The following ATXN7L1 variants were observed in gnomAD, a reference collection of about 807,000 sequenced individuals.
The protein encoded by ATXN7L1 is ataxin 7 like 1.
Under a neutral mutation model 70.8 loss-of-function variants are expected in ATXN7L1, and 15 were observed. The observed-to-expected ratio is 0.21, with a 90% CI of 0.14 to 0.33. ATXN7L1 has a LOEUF of 0.33. Among genes scored for constraint, ATXN7L1 ranks in the 10% least tolerant of loss-of-function variants. The pLI is 1.00. For synonymous variants in ATXN7L1, 440 were observed against 445.1 expected (o/e 0.99, Z 0.14); for missense variants, 975 against 1,097.1 (o/e 0.89, Z 1.57).
rs112351920 is a variant in ATXN7L1 at position 105,639,344 on chromosome 7, G to C, written c.945+143C>G. 1.4e-3 allele frequency: 734 copies of C among 529,416 alleles called. 5 individuals are homozygous for C. The highest frequency in any genetic ancestry group is 2.2e-3 in the Middle Eastern group (6 of 2,776). 32.8% of individuals were successfully genotyped at this position (529,416 alleles called of 1,614,324 possible). A position where few individuals can be genotyped will look rare whatever the true frequency, so the allele number is the denominator to read the frequency against. On this transcript the variant is annotated intron_variant, in intron 6 of 11. Coordinates refer to ENST00000419735, the MANE Select transcript of ATXN7L1 (RefSeq NM_020725.2). ...AGGCAGGCACTCTGCTACCATGGAC[G>C]AGAAGAAAGCATTTCCCTTACAAAG...
chr7:105,734,975 T>C (rs1276991457), intron 3 of ATXN7L1, among the ~76,000 whole-genome samples: 1 of 152,192 alleles, frequency 6.6e-6, no homozygotes, highest in Non-Finnish European at 1.5e-5. Flanking sequence ...CCCTTCCTGA[T>C]AGAGTGCCTG....
intron 3 of ATXN7L1, among the ~76,000 whole-genome samples, chr7:105,778,018 AG>A (rs1370071848): frequency 2.6e-4 from 40 of 152,326 alleles, no homozygotes; most frequent in African/African-American, 9.6e-4. Flanking sequence ...TCAAGAAGCC[AG>A]GCCCTTATTT....
At chr7:105,704,087 A>G (rs190320184) in intron 3 of ATXN7L1, among the ~76,000 whole-genome samples, 3 of 152,316 alleles carry the variant, frequency 2.0e-5, no homozygotes, top group Admixed American at 2.0e-4. Flanking sequence ...TACCAGAGAG[A>G]ACCCAAGAGG....
chr7:105,797,372 CAA>C (rs753466461), intron 2 of ATXN7L1, among the ~76,000 whole-genome samples: 45 of 152,212 alleles, frequency 3.0e-4, no homozygotes, highest in Non-Finnish European at 5.7e-4. Context: ...CATGACCACA[CAA>C]GACAGTCTCA....
At chr7:105,678,748 C>T (rs762825073) in intron 3 of ATXN7L1, among the ~76,000 whole-genome samples, 6 of 152,126 alleles carry the variant, frequency 3.9e-5, no homozygotes, top group African/African-American at 1.2e-4. Flanking sequence ...AAATTTTCCA[C>T]TCCACTCCTT....
At chr7:105,790,164 G>A (rs1365572909) in intron 2 of ATXN7L1, among the ~76,000 whole-genome samples, 4 of 152,192 alleles carry the variant, frequency 2.6e-5, no homozygotes. Context: ...GGAGGAATTC[G>A]AGGGTGACTG....
At position 105,607,849 on chromosome 7, in the gene ATXN7L1, T is replaced by A. The variant is rs1792825939; in HGVS notation, c.*3A>T. 1 of 1,551,690 alleles carries A rather than the reference T, an allele frequency of 6.4e-7. No individual in the cohort carries two copies. The highest frequency in any genetic ancestry group is 1.4e-5 in the African/African-American group (1 of 73,052). On this transcript the variant is annotated 3_prime_UTR_variant, in exon 12 of 12. Coordinates refer to ENST00000419735, the MANE Select transcript of ATXN7L1 (RefSeq NM_020725.2). ...TTGATGTGGAAGTGGCTTCATAGTC[T>A]TGTTATGGAAGAGTCCTTATCCTGC...
intron 2 of ATXN7L1, among the ~76,000 whole-genome samples, chr7:105,847,017 G>T (rs1234291204): frequency 1.3e-5 from 2 of 152,192 alleles, no homozygotes; most frequent in African/African-American, 4.8e-5. Context: ...TAACAGATAT[G>T]TTCTGGAATG....
chr7:105,768,519 G>T lies in ATXN7L1; in HGVS notation c.355+20085C>A, dbSNP rs148428207. Among the ~76,000 whole-genome samples the T allele has an allele frequency of 4.6e-4, 70 of 152,322 alleles. 1 individual carries two copies. The East Asian group carries it at 0.013, about 29-fold the overall frequency. On this transcript the variant is annotated intron_variant, in intron 3 of 11. Transcript: ENST00000419735. ...TAACAAGCGACTCTAAGCTTTGGTGGCAAGGTTATCAATGCTTAGCTTTCA... is the reference window on the plus strand; with the variant it reads ...TAACAAGCGACTCTAAGCTTTGGTGTCAAGGTTATCAATGCTTAGCTTTCA...
intron 3 of ATXN7L1, among the ~76,000 whole-genome samples, chr7:105,676,898 A>T (rs1198744131): frequency 1.3e-5 from 2 of 152,188 alleles, no homozygotes; most frequent in Non-Finnish European, 2.9e-5. Flanking sequence ...TACCCCTTGA[A>T]TCTAAAAGCT....
At chr7:105,808,502 A>C (rs942770415) in intron 2 of ATXN7L1, among the ~76,000 whole-genome samples, 1 of 151,782 alleles carries the variant, frequency 6.6e-6, no homozygotes, top group Admixed American at 6.6e-5. Context: ...GTCCAAATCC[A>C]CTCTCTGTGG....
intron 3 of ATXN7L1, among the ~76,000 whole-genome samples, chr7:105,709,409 C>G (rs1303830727): frequency 6.6e-6 from 1 of 152,144 alleles, no homozygotes. Context: ...GGGGAGACTG[C>G]TCTTCTCAGG....
At chr7:105,817,931 T>C (rs901714033) in intron 2 of ATXN7L1, among the ~76,000 whole-genome samples, 1 of 152,180 alleles carries the variant, frequency 6.6e-6, no homozygotes, top group Non-Finnish European at 1.5e-5. Context: ...TTTCAATAAA[T>C]AAATGTTGAA....
intron 3 of ATXN7L1, among the ~76,000 whole-genome samples, chr7:105,709,116 T>C (rs1404533367): frequency 2.6e-5 from 4 of 152,168 alleles, no homozygotes; most frequent in African/African-American, 9.7e-5. Flanking sequence ...GTGGATCACC[T>C]GAGGTCAGGA....
chr7:105,645,948 A>G (rs1018753666), intron 4 of ATXN7L1, among the ~76,000 whole-genome samples: 15 of 151,930 alleles, frequency 9.9e-5, no homozygotes, highest in Admixed American at 9.2e-4. Context: ...CAGAGGTTGC[A>G]GTGCACTGAG....
chr7:105,851,885 T>G (rs2116632604), intron 2 of ATXN7L1, among the ~76,000 whole-genome samples: 1 of 152,320 alleles, frequency 6.6e-6, no homozygotes, highest in East Asian at 1.9e-4. Flanking sequence ...ACGATTCTGT[T>G]TCCCTCTTGC....
chr7:105,868,364 A>T (rs2116672275), intron 2 of ATXN7L1, among the ~76,000 whole-genome samples: 1 of 152,330 alleles, frequency 6.6e-6, no homozygotes, highest in Middle Eastern at 3.4e-3. Flanking sequence ...TGTCTAGCCC[A>T]GTTCTGGCAC....
chr7:105,809,715 C>A (rs992833146), intron 2 of ATXN7L1, among the ~76,000 whole-genome samples: 1 of 151,748 alleles, frequency 6.6e-6, no homozygotes, highest in Admixed American at 6.6e-5. Context: ...GAAACTGAGG[C>A]AAAGGGAGGT....
chr7:105,760,153 CT>C (rs1563071391), intron 3 of ATXN7L1: 1 of 968,076 alleles, frequency 1.0e-6, no homozygotes. Flanking sequence ...TACTGGCCCC[CT>C]AACTGTTAAT....
Sources: gnomAD v4.1 joint callset for allele counts (sites outside exome capture counted in the v4.1 genomes callset) on GRCh38, gnomAD v4.1.1 for gene constraint, MANE v1.5 for transcripts, NCBI Gene and HGNC (gene_info 2026-07-23, HGNC 2026-07-21) for gene names.